Variants in FBN1 observed in about 807,000 individuals in gnomAD.
FBN1 encodes fibrillin-1.
FBN1 carries 29 observed loss-of-function variants against 365.1 expected under a neutral mutation model. The observed-to-expected ratio is 0.08, with a 90% CI of 0.06 to 0.11. The LOEUF (loss-of-function observed/expected upper bound fraction) is 0.11. Ranked by LOEUF, FBN1 falls within the 10% of genes least tolerant of loss-of-function variation. The pLI, the probability that FBN1 is intolerant of heterozygous loss-of-function variation, is 1.00. For synonymous variants in FBN1, 1,210 were observed against 1,270.5 expected (o/e 0.95, Z 1.01); for missense variants, 2,476 against 3,703.2 (o/e 0.67, Z 8.60).
At position 48,422,104 on chromosome 15, in the gene FBN1, C is replaced by T. The variant is rs764375390; in HGVS notation, c.7454-36G>A. On this transcript the variant is annotated intron_variant, in intron 60 of 65. Coordinates refer to ENST00000316623, the MANE Select transcript of FBN1 (RefSeq NM_000138.5). ...ATGCAAGAGAGGCATTTGAGTCAAG[C>T]CAACAAAACAGGATCAGGGAAGCTG... The T allele has an allele frequency of 1.7e-5, 24 of 1,437,830 alleles. No individual in the cohort carries two copies. The African/African-American group carries it at 3.1e-4, about 18-fold the overall frequency. The allele number at this position is 1,437,830 out of a possible 1,614,324, so 89.1% of individuals were successfully genotyped here. A position where few individuals can be genotyped will look rare whatever the true frequency, so the allele number is the denominator to read the frequency against.
At chr15:48,425,707 T>C (rs1373547479) in intron 59 of FBN1, 32 bp downstream of exon 59, 1 of 1,609,324 alleles carries the variant, frequency 6.2e-7, no homozygotes, top group Non-Finnish European at 8.5e-7. Context: ...AAATTTCCAC[T>C]TGAGGATAAG....
At chr15:48,569,251 A>C (rs1206356844) in intron 6 of FBN1, among the ~76,000 whole-genome samples, 1 of 152,108 alleles carries the variant, frequency 6.6e-6, no homozygotes, top group African/African-American at 2.4e-5. Context: ...TTAGGAAAAT[A>C]AAAATGAAAA....
intron 9 of FBN1, among the ~76,000 whole-genome samples, chr15:48,521,939 G>A (rs2141337873): frequency 6.6e-6 from 1 of 152,340 alleles, no homozygotes; most frequent in Admixed American, 6.5e-5. Context: ...CAGGGGGTGA[G>A]CGGCAGGTGA....
intron 57 of FBN1, 44 bp downstream of exon 57, chr15:48,428,302 T>C: frequency 6.2e-7 from 1 of 1,608,904 alleles, no homozygotes; most frequent in Non-Finnish European, 8.5e-7. Flanking sequence ...AGCATCCCAG[T>C]GTGGAGGCTG....
At position 48,495,133 on chromosome 15, in the gene FBN1, T is replaced by G. The variant is rs780192241; in HGVS notation, c.2667A>C (p.Leu889=). The G allele has an allele frequency of 6.2e-7, 1 of 1,614,080 alleles. No homozygotes were observed. Among genetic ancestry groups the G allele is most frequent in the African/African-American group, 1.3e-5 (1 of 75,036 alleles). The change falls in exon 22 of 66, where the codon CTA becomes CTC. Residue 889 remains leucine (L), a synonymous_variant. Transcript: ENST00000316623. ...LGAAWGSPCT[L]CQVDPICGKG... ...ATGGGTTTCTCTTACCAACTTGGCA[T>G]AGGGTGCACGGGCTTCCCCACGCAG... is the stretch of plus-strand genomic sequence containing the variant.
intron 6 of FBN1, among the ~76,000 whole-genome samples, chr15:48,586,873 C>T (rs544365073): frequency 1.3e-5 from 2 of 152,148 alleles, no homozygotes; most frequent in African/African-American, 2.4e-5. Context: ...TAATAAGAAT[C>T]CAGATCTCCA....
chr15:48,542,586 AC>A (rs1183757962), intron 6 of FBN1, among the ~76,000 whole-genome samples: 1 of 152,162 alleles, frequency 6.6e-6, no homozygotes, highest in Non-Finnish European at 1.5e-5. Flanking sequence ...ACTTCTTCTT[AC>A]TGCAATCATT....
chr15:48,603,521 C>T (rs147484375), intron 4 of FBN1, among the ~76,000 whole-genome samples: 4 of 152,188 alleles, frequency 2.6e-5, no homozygotes, highest in East Asian at 1.9e-4. Context: ...GAATATATAC[C>T]GAAATTGGTT....
intron 14 of FBN1, among the ~76,000 whole-genome samples, chr15:48,509,506 ATATT>A (rs1259213333): frequency 2.0e-5 from 3 of 147,912 alleles, no homozygotes; most frequent in African/African-American, 7.3e-5. Flanking sequence ...TATATTATTT[ATATT>A]TAAATATGTA....
At chr15:48,606,627 G>A (rs1472352239) in intron 4 of FBN1, among the ~76,000 whole-genome samples, 2 of 152,196 alleles carry the variant, frequency 1.3e-5, no homozygotes, top group Non-Finnish European at 2.9e-5. Context: ...TAACATCAGC[G>A]CTCTTTGTGG....
At chr15:48,423,960 T>G (rs2042961058) in intron 60 of FBN1, among the ~76,000 whole-genome samples, 1 of 152,246 alleles carries the variant, frequency 6.6e-6, no homozygotes, top group African/African-American at 2.4e-5. Context: ...TGGAAACTTT[T>G]GAGAATTTTC....
intron 4 of FBN1, among the ~76,000 whole-genome samples, chr15:48,608,056 A>G (rs543099922): frequency 6.6e-6 from 1 of 152,328 alleles, no homozygotes; most frequent in Non-Finnish European, 1.5e-5. Flanking sequence ...GGAAGCCACA[A>G]CTTCCTGTTG....
intron 6 of FBN1, among the ~76,000 whole-genome samples, chr15:48,575,489 C>T (rs74011878): frequency 0.012 from 1,900 of 152,148 alleles, 38 homozygotes; most frequent in African/African-American, 0.044. Flanking sequence ...TCAACTTTCA[C>T]CCTCCTCCTA....
intron 10 of FBN1, among the ~76,000 whole-genome samples, chr15:48,517,115 T>C (rs953482356): frequency 2.0e-5 from 3 of 152,186 alleles, no homozygotes; most frequent in Non-Finnish European, 4.4e-5. Flanking sequence ...ATCATGGTGA[T>C]AGCAGATTTG....
At chr15:48,449,919 T>C (rs1402356016) in intron 45 of FBN1, among the ~76,000 whole-genome samples, 1 of 152,182 alleles carries the variant, frequency 6.6e-6, no homozygotes, top group East Asian at 1.9e-4. Context: ...ATCATGGACA[T>C]CTCCTCCATT....
intron 6 of FBN1, among the ~76,000 whole-genome samples, chr15:48,572,125 A>G (rs916839488): frequency 2.6e-5 from 4 of 152,180 alleles, no homozygotes; most frequent in Admixed American, 2.6e-4. Context: ...TATTTTCTCC[A>G]ATTTCTCTGC....
At chr15:48,441,163 C>T (rs938222336) in intron 50 of FBN1, among the ~76,000 whole-genome samples, 3 of 152,138 alleles carry the variant, frequency 2.0e-5, no homozygotes, top group Admixed American at 2.0e-4. Context: ...AAGTCATTGG[C>T]AAACCCTTGA....
chr15:48,629,466 T>G (rs1032617357), intron 2 of FBN1, among the ~76,000 whole-genome samples: 1 of 152,146 alleles, frequency 6.6e-6, no homozygotes, highest in Non-Finnish European at 1.5e-5. Flanking sequence ...ACAAATAAAA[T>G]TTATGACTCA....
At chr15:48,462,795 T>C (rs959181456) in intron 42 of FBN1, among the ~76,000 whole-genome samples, 4 of 152,252 alleles carry the variant, frequency 2.6e-5, no homozygotes, top group Non-Finnish European at 4.4e-5. Context: ...TTTAGATACA[T>C]GAAGAATTCA....
Sources: allele counts gnomAD v4.1 joint callset (sites outside exome capture counted in the v4.1 genomes callset), GRCh38; gene constraint gnomAD v4.1.1; transcripts MANE v1.5; gene names NCBI Gene and HGNC (gene_info 2026-07-23, HGNC 2026-07-21).